Variants in ADK observed in about 807,000 individuals in gnomAD.
The protein encoded by ADK is N6,N6-dimethyladenosine kinase.
ADK carries 24 observed loss-of-function variants against 44.7 expected under a neutral mutation model. That is an observed-to-expected ratio of 0.54 (90% CI 0.39 to 0.76). The LOEUF is 0.76. Ranked by LOEUF, ADK falls within the 30% of genes least tolerant of loss-of-function variation. ADK has a pLI of 0.00. For missense variants in ADK, 321 were observed against 425.1 expected (o/e 0.76, Z 2.15); for synonymous variants, 128 against 142.6 (o/e 0.90, Z 0.73).
rs34161719 is a variant in ADK at position 74,165,589 on chromosome 10, T to G, written c.65+14246T>G. Among the ~76,000 whole-genome samples, 477 of 152,188 alleles carry G rather than the reference T, an allele frequency of 3.1e-3. 1 individual carries two copies. Among genetic ancestry groups the G allele is most frequent in the Non-Finnish European group, 5.0e-3 (337 of 67,994 alleles). ...CAAGAAGACAACCAGGCAATCTGTC[T>G]TTAGCTGAGGAAACAGACCCCCGAG... On this transcript the variant is annotated intron_variant, in intron 1 of 10. Transcript: ENST00000539909.
At chr10:74,439,098 G>A (rs1317912673) in intron 6 of ADK, among the ~76,000 whole-genome samples, 7 of 152,150 alleles carry the variant, frequency 4.6e-5, no homozygotes, top group African/African-American at 1.7e-4. Context: ...TAAAAGGTGA[G>A]AAAGTTATTA....
chr10:74,271,280 A>G (rs999850526), intron 3 of ADK, among the ~76,000 whole-genome samples: 24 of 152,076 alleles, frequency 1.6e-4, no homozygotes, highest in Middle Eastern at 3.2e-3. Context: ...GTCAGTTCTA[A>G]TGTTGGAATT....
rs1256056876 is a variant in ADK, at chr10:74,291,598, T to G, written c.195-23069T>G. Among the ~76,000 whole-genome samples the G allele has an allele frequency of 2.0e-5, 3 of 152,244 alleles. No individual in the cohort carries two copies. In the East Asian group the frequency reaches 5.8e-4, roughly 29 times the overall value. ...ATGTACAGCAGTGGTCAAATCTTAA[T>G]GATAATTGTCAGTAACTGGGGAGAA... On this transcript the variant is annotated intron_variant, in intron 3 of 10. Coordinates refer to ENST00000539909, the MANE Select transcript of ADK (RefSeq NM_006721.4).
chr10:74,601,901 T>G (rs1187102747), intron 9 of ADK, among the ~76,000 whole-genome samples: 13 of 147,442 alleles, frequency 8.8e-5, no homozygotes, highest in Non-Finnish European at 1.6e-4. Context: ...GAGACCAGCC[T>G]TGGTAACAGC....
At chr10:74,267,754 T>TTTTTTGTGTGTGTGTGTG (rs1554835954) in intron 3 of ADK, among the ~76,000 whole-genome samples, 2 of 132,734 alleles carry the variant, frequency 1.5e-5, no homozygotes, top group Admixed American at 7.9e-5. Flanking sequence ...ATATCCTTAT[T>TTTTTTGTGTGTGTGTGTG]TGTGTGTGTG....
At chr10:74,545,041 A>C (rs1185697323) in intron 7 of ADK, among the ~76,000 whole-genome samples, 1 of 152,120 alleles carries the variant, frequency 6.6e-6, no homozygotes, top group African/African-American at 2.4e-5. Context: ...GTTTTACCAA[A>C]ATTGTGAAGG....
chr10:74,640,754 CTATT>C (rs1853815790), intron 9 of ADK, among the ~76,000 whole-genome samples: 1 of 152,166 alleles, frequency 6.6e-6, no homozygotes, highest in East Asian at 1.9e-4. Flanking sequence ...CAATAAAACT[CTATT>C]TATAAAAATA....
chr10:74,463,004 G>A (rs1846223943), intron 6 of ADK, among the ~76,000 whole-genome samples: 1 of 152,112 alleles, frequency 6.6e-6, no homozygotes. Context: ...ACATTGTGAT[G>A]ACTCAAATTT....
chr10:74,300,842 T>C (rs1840007084), intron 3 of ADK, among the ~76,000 whole-genome samples: 1 of 152,248 alleles, frequency 6.6e-6, no homozygotes. Flanking sequence ...GAAGTGATAC[T>C]TCTATTTCCA....
chr10:74,438,305 A>G (rs555629621), intron 6 of ADK, among the ~76,000 whole-genome samples: 24 of 150,086 alleles, frequency 1.6e-4, no homozygotes, highest in African/African-American at 5.9e-4. Flanking sequence ...GCTCACTGCA[A>G]CCTCCACCTC....
At chr10:74,493,471 T>G (rs1402794178) in intron 6 of ADK, among the ~76,000 whole-genome samples, 1 of 151,344 alleles carries the variant, frequency 6.6e-6, no homozygotes, top group African/African-American at 2.4e-5. Context: ...AGAAGAGATA[T>G]ATATAGAGAG....
At chr10:74,582,656 C>T (rs956777136) in intron 7 of ADK, among the ~76,000 whole-genome samples, 3 of 151,980 alleles carry the variant, frequency 2.0e-5, no homozygotes, top group African/African-American at 7.3e-5. Flanking sequence ...TAATTTTTTT[C>T]AGTTATGTTT....
Position 74,222,776 on chromosome 10 carries a change from C to A in ADK, c.141-1762C>A, listed in dbSNP as rs549788279. ...TATCACAAGAACAAAAAACCAAACA[C>A]CGCATATTCTCACTCATAGGTGGGA... On this transcript the variant is annotated intron_variant, in intron 2 of 10. Transcript: ENST00000539909. Among the ~76,000 whole-genome samples the A allele has an allele frequency of 2.3e-4, 35 of 149,818 alleles. No individual in the cohort carries two copies. The South Asian group carries it at 7.3e-3, about 31-fold the overall frequency.
intron 4 of ADK, among the ~76,000 whole-genome samples, chr10:74,330,022 G>A (rs1316537388): frequency 6.6e-6 from 1 of 151,054 alleles, no homozygotes; most frequent in Non-Finnish European, 1.5e-5. Context: ...AAAAAAATTA[G>A]CCAGGCACGG....
At chr10:74,651,205 A>C (rs114574750) in intron 9 of ADK, among the ~76,000 whole-genome samples, 244 of 152,188 alleles carry the variant, frequency 1.6e-3, no homozygotes, top group African/African-American at 5.7e-3. Flanking sequence ...ATTTTGACAC[A>C]GGGTCTTAAT....
At chr10:74,336,716 A>G (rs143889816) in intron 4 of ADK, among the ~76,000 whole-genome samples, 1 of 152,358 alleles carries the variant, frequency 6.6e-6, no homozygotes, top group East Asian at 1.9e-4. Context: ...TACCAAATCC[A>G]TGGATACTCA....
chr10:74,602,105 CAAAAAAAAAAAA>C (rs58400071), intron 9 of ADK, among the ~76,000 whole-genome samples: 1 of 48,794 alleles, frequency 2.0e-5, no homozygotes, highest in African/African-American at 8.6e-5. Context: ...ACCCTGTCTC[CAAAAAAAAAAAA>C]AAAAAAAAAA....
In ADK at chr10:74,350,733, T is replaced by A. The variant is rs554229636; in HGVS notation, c.273+35988T>A. Among the ~76,000 whole-genome samples the A allele has an allele frequency of 2.2e-4, 34 of 152,232 alleles. No individual in the cohort carries two copies. The South Asian group carries it at 7.1e-3, about 32-fold the overall frequency. On this transcript the variant is annotated intron_variant, in intron 4 of 10. Transcript: ENST00000539909. ...ACACAATAAAAAATTATAAAGTGGATATCACCACTATTCTCAGAGAAATAC... is the reference window on the plus strand; with the variant it reads ...ACACAATAAAAAATTATAAAGTGGAAATCACCACTATTCTCAGAGAAATAC...
chr10:74,545,550 C>A (rs1390942513), intron 7 of ADK, among the ~76,000 whole-genome samples: 1 of 152,142 alleles, frequency 6.6e-6, no homozygotes, highest in East Asian at 1.9e-4. Flanking sequence ...AGATTTAAAT[C>A]TATCATTTTG....
Sources: gnomAD v4.1 joint callset for allele counts (sites outside exome capture counted in the v4.1 genomes callset) on GRCh38, gnomAD v4.1.1 for gene constraint, MANE v1.5 for transcripts, NCBI Gene and HGNC (gene_info 2026-07-23, HGNC 2026-07-21) for gene names.